Variants in RNF24 observed in about 807,000 individuals in gnomAD.
RNF24 encodes the protein ring finger protein 24.
Under a neutral mutation model 20.0 loss-of-function variants are expected in RNF24, and 14 were observed. The observed-to-expected ratio is 0.70, with a 90% CI of 0.46 to 1.10. The LOEUF (loss-of-function observed/expected upper bound fraction) is 1.10. Ranked by LOEUF, RNF24 falls within the 50% of genes least tolerant of loss-of-function variation. The pLI, the probability that RNF24 is intolerant of heterozygous loss-of-function variation, is 0.00. For synonymous variants in RNF24, 45 were observed against 61.1 expected, an observed-to-expected ratio of 0.74 and a Z score of 1.23; for missense variants, 124 against 177.6, an observed-to-expected ratio of 0.70 and a Z score of 1.71.
At chr20:3,958,905 G>T (rs182225036) in intron 2 of RNF24, among the ~76,000 whole-genome samples, 18,733 of 152,180 alleles carry the variant, frequency 0.12, 1,406 homozygotes, top group Non-Finnish European at 0.17. Flanking sequence ...GTCTCCCAAA[G>T]TGCTGGGATT....
intron 1 of RNF24, among the ~76,000 whole-genome samples, chr20:3,983,413 A>T (rs1210868956): frequency 6.6e-6 from 1 of 152,006 alleles, no homozygotes; most frequent in Non-Finnish European, 1.5e-5. Flanking sequence ...TATTTCTAGC[A>T]TTTAAAAAAG....
intron 1 of RNF24, among the ~76,000 whole-genome samples, chr20:4,013,903 C>T (rs1982664114): frequency 6.6e-6 from 1 of 152,232 alleles, no homozygotes. Flanking sequence ...GAGTTAACAA[C>T]TATCTTGCAA....
chr20:3,952,747 T>C (rs2091096302), intron 2 of RNF24, among the ~76,000 whole-genome samples: 1 of 152,248 alleles, frequency 6.6e-6, no homozygotes, highest in South Asian at 2.1e-4. Context: ...AGTACTAGTT[T>C]ACCAAAAAAA....
intron 1 of RNF24, among the ~76,000 whole-genome samples, chr20:3,978,690 T>TA (rs1979115993): frequency 6.6e-6 from 1 of 152,126 alleles, no homozygotes; most frequent in Non-Finnish European, 1.5e-5. Context: ...TAATTATTTT[T>TA]AAAAAAAGTA....
At chr20:3,935,738 A>G (rs951296525) in intron 4 of RNF24, among the ~76,000 whole-genome samples, 3 of 152,202 alleles carry the variant, frequency 2.0e-5, no homozygotes, top group Non-Finnish European at 4.4e-5. Context: ...CTGGGTTCCA[A>G]CACTTTCCTG....
rs1040481147 is a variant in RNF24 at position 3,932,866 on chromosome 20, C to G, written c.*1197G>C. On this transcript the variant is annotated 3_prime_UTR_variant, in exon 6 of 6. Coordinates refer to ENST00000358395, the MANE Select transcript of RNF24 (RefSeq NM_001134337.3). ...TCTAGAAAAGTTGGACAGAAAGAGC[C>G]AAAGAGCAGCATGCGTTTCTCTCCT... 1 of 398,296 alleles carries G rather than the reference C, an allele frequency of 2.5e-6. No individual in the cohort carries two copies. Among genetic ancestry groups the G allele is most frequent in the East Asian group, 3.6e-5 (1 of 28,088 alleles). The allele number at this position is 398,296 out of a possible 1,614,324, so 24.7% of individuals were successfully genotyped here. A position where few individuals can be genotyped will look rare whatever the true frequency, so the allele number is the denominator to read the frequency against.
intron 4 of RNF24, among the ~76,000 whole-genome samples, chr20:3,942,967 C>A (rs373391926): frequency 6.6e-6 from 1 of 152,108 alleles, no homozygotes; most frequent in African/African-American, 2.4e-5. Flanking sequence ...AGGTGTCCAT[C>A]ACCGCGCCTG....
intron 1 of RNF24, among the ~76,000 whole-genome samples, chr20:3,969,086 A>C (rs567840179): frequency 6.6e-6 from 1 of 152,164 alleles, no homozygotes; most frequent in African/African-American, 2.4e-5. Context: ...AGACAGAATA[A>C]TACTAGTAAC....
chr20:3,954,243 AT>A (rs1374721460), intron 2 of RNF24, among the ~76,000 whole-genome samples: 1 of 151,986 alleles, frequency 6.6e-6, no homozygotes, highest in African/African-American at 2.4e-5. Context: ...ATCACTCCCC[AT>A]TACCCCTTAC....
chr20:3,939,345 TTTGA>T (rs2146945462), intron 4 of RNF24, among the ~76,000 whole-genome samples: 1 of 152,328 alleles, frequency 6.6e-6, no homozygotes, highest in South Asian at 2.1e-4. Context: ...CATTTAGGTC[TTTGA>T]TTAACTTTTG....
At chr20:3,967,497 A>G (rs745697195) in intron 1 of RNF24, among the ~76,000 whole-genome samples, 9 of 152,224 alleles carry the variant, frequency 5.9e-5, no homozygotes, top group Non-Finnish European at 8.8e-5. Flanking sequence ...CAATCTTAGA[A>G]CCAAGAAGTT....
At chr20:4,007,451 A>G (rs952870513) in intron 1 of RNF24, among the ~76,000 whole-genome samples, 1 of 152,200 alleles carries the variant, frequency 6.6e-6, no homozygotes, top group Non-Finnish European at 1.5e-5. Context: ...AAAAGAAAAA[A>G]AAATCTGTTG....
chr20:4,012,745 A>G (rs1982562927), intron 1 of RNF24, among the ~76,000 whole-genome samples: 1 of 152,244 alleles, frequency 6.6e-6, no homozygotes, highest in Non-Finnish European at 1.5e-5. Flanking sequence ...ATGCTGAATA[A>G]CAAGGCCAGG....
Position 3,927,493 on chromosome 20 carries a change from G to T in RNF24, c.*6570C>A, listed in dbSNP as rs550096047. ...TGCAGAATTTTTAGTGTACAAAGACGTCTATGAAACCTGAGGTTCAGCATT... is the reference window on the plus strand; with the variant it reads ...TGCAGAATTTTTAGTGTACAAAGACTTCTATGAAACCTGAGGTTCAGCATT... On this transcript the variant is annotated 3_prime_UTR_variant, in exon 6 of 6. Transcript: ENST00000358395. The T allele has an allele frequency of 1.3e-5, 2 of 152,164 alleles. No homozygotes were observed. Among genetic ancestry groups the T allele is most frequent in the Non-Finnish European group, 2.9e-5 (2 of 68,034 alleles). 9.4% of individuals were successfully genotyped at this position (152,164 alleles called of 1,614,324 possible). A position where few individuals can be genotyped will look rare whatever the true frequency, so the allele number is the denominator to read the frequency against.
intron 1 of RNF24, among the ~76,000 whole-genome samples, chr20:3,997,929 T>C (rs1981023342): frequency 6.6e-6 from 1 of 152,216 alleles, no homozygotes; most frequent in Non-Finnish European, 1.5e-5. Flanking sequence ...AATGCCCCAC[T>C]TTTCAGAGGA....
intron 1 of RNF24, among the ~76,000 whole-genome samples, chr20:3,983,145 A>G (rs1979569331): frequency 1.3e-5 from 2 of 152,320 alleles, no homozygotes; most frequent in East Asian, 3.9e-4. Context: ...TGAGAAACAA[A>G]TTCCTGTTCA....
intron 1 of RNF24, among the ~76,000 whole-genome samples, chr20:4,003,221 G>T (rs917112131): frequency 6.6e-6 from 1 of 152,074 alleles, no homozygotes; most frequent in Non-Finnish European, 1.5e-5. Context: ...TACCCACCTC[G>T]GCCTACCAAA....
rs772261593 is a variant in RNF24, at chr20:3,963,880, C to G, written c.138G>C (p.Leu46Phe). 1.3e-6 allele frequency: 2 copies of G among 1,564,176 alleles called. No homozygotes were observed. Among genetic ancestry groups the G allele is most frequent in the African/African-American group, 2.7e-5 (2 of 73,052 alleles). ...ATAGAATGAAAATTGGTTACCTAATCAAGTAGCAACAGAAGAGTAAACTAA... is the reference window on the plus strand; with the variant it reads ...ATAGAATGAAAATTGGTTACCTAATGAAGTAGCAACAGAAGAGTAAACTAA... Reference protein sequence around the residue: ...FILSLLFCCYLIRLRHQAHKE... With the variant: ...FILSLLFCCYFIRLRHQAHKE... Residue 46 changes from leucine to phenylalanine, a missense_variant, in exon 2 of 6, where the codon TTG becomes TTC. Physicochemically the swap from Leu to Phe is conservative, Grantham distance 22 (BLOSUM62 0). Coordinates refer to ENST00000358395, the MANE Select transcript of RNF24 (RefSeq NM_001134337.3).
intron 2 of RNF24, among the ~76,000 whole-genome samples, chr20:3,957,272 T>G (rs886127856): frequency 6.6e-6 from 1 of 151,850 alleles, no homozygotes; most frequent in Non-Finnish European, 1.5e-5. Context: ...TACTCTAGCC[T>G]GGGTGACAGA....
Sources: allele counts gnomAD v4.1 joint callset (sites outside exome capture counted in the v4.1 genomes callset), GRCh38; gene constraint gnomAD v4.1.1; transcripts MANE v1.5; gene names NCBI Gene and HGNC (gene_info 2026-07-23, HGNC 2026-07-21).